The following CADPS2 variants were observed in gnomAD, a reference collection of about 807,000 sequenced individuals.
CADPS2 encodes calcium dependent secretion activator 2.
In CADPS2, 93 loss-of-function variants were observed where a neutral mutation model predicts 172.5. The ratio of observed to expected loss-of-function variants is 0.54; its 90% confidence interval spans 0.46 to 0.64. The LOEUF (loss-of-function observed/expected upper bound fraction) is 0.64, where lower values mean the gene tolerates loss of function less well. Ranked by LOEUF, CADPS2 falls within the 30% of genes least tolerant of loss-of-function variation. The probability of loss-of-function intolerance (pLI) is 0.00; values close to 1 mark genes in which losing one functional copy is unlikely to be tolerated. For missense variants in CADPS2, 1,420 were observed against 1,565.9 expected (o/e 0.91, Z 1.57); for synonymous variants, 546 against 555.2 (o/e 0.98, Z 0.23).
intron 1 of CADPS2, among the ~76,000 whole-genome samples, chr7:122,819,139 G>C (rs1396890705): frequency 2.0e-5 from 3 of 152,208 alleles, no homozygotes; most frequent in African/African-American, 4.8e-5. Flanking sequence ...CCAAACGCCT[G>C]AACTGCAGCA....
chr7:122,485,279 T>C (rs114715633), intron 11 of CADPS2, among the ~76,000 whole-genome samples: 123 of 152,344 alleles, frequency 8.1e-4, no homozygotes, highest in African/African-American at 2.6e-3. Context: ...AAAGCCAAGA[T>C]AGGCTGAAAG....
intron 1 of CADPS2, among the ~76,000 whole-genome samples, chr7:122,754,567 C>T (rs1264620212): frequency 6.6e-6 from 1 of 152,184 alleles, no homozygotes; most frequent in Non-Finnish European, 1.5e-5. Context: ...ACGTCCGCCT[C>T]CCAGGTTCAG....
At chr7:122,748,484 TG>T (rs1397584335) in intron 1 of CADPS2, among the ~76,000 whole-genome samples, 1 of 152,150 alleles carries the variant, frequency 6.6e-6, no homozygotes, top group Admixed American at 6.6e-5. Context: ...AGCAGACAAC[TG>T]TGAGCCAGTG....
At chr7:122,861,523 A>G (rs1416274091) in intron 1 of CADPS2, among the ~76,000 whole-genome samples, 1 of 152,200 alleles carries the variant, frequency 6.6e-6, no homozygotes, top group African/African-American at 2.4e-5. Flanking sequence ...TGCACAGTTT[A>G]TAATTTCTCT....
At chr7:122,729,486 C>T (rs541563686) in intron 2 of CADPS2, among the ~76,000 whole-genome samples, 2 of 151,888 alleles carry the variant, frequency 1.3e-5, no homozygotes, top group Admixed American at 6.6e-5. Flanking sequence ...TTCCCACCAA[C>T]AGTATATAGG....
At position 122,886,180 on chromosome 7, in the gene CADPS2, G is replaced by A; in HGVS notation, c.158C>T (p.Ala53Val). ...DAPGRAGGGGAARSVSPSPSV... is the reference protein window; with the variant it reads ...DAPGRAGGGGVARSVSPSPSV... ...GGGGCTCGGGCTCACAGATCTGGCC[G>A]CGCCGCCGCCGCCCGCGCGCCCCGG... Residue 53 changes from alanine (A) to valine (V), a missense_variant, in exon 1 of 30, where the codon GCG (alanine) becomes GTG (valine). By Grantham distance (64) the Ala-to-Val change is moderately conservative (BLOSUM62 0). Coordinates refer to ENST00000449022, the MANE Select transcript of CADPS2 (RefSeq NM_017954.11). 1 of 1,477,952 alleles carries A rather than the reference G, an allele frequency of 6.8e-7. No individual in the cohort carries two copies. Among genetic ancestry groups the A allele is most frequent in the South Asian group, 1.4e-5 (1 of 73,638 alleles). 91.6% of individuals were successfully genotyped at this position (1,477,952 alleles called of 1,614,324 possible). A position where few individuals can be genotyped will look rare whatever the true frequency, so the allele number is the denominator to read the frequency against.
intron 18 of CADPS2, among the ~76,000 whole-genome samples, chr7:122,415,029 T>A (rs527929387): frequency 6.6e-6 from 1 of 152,174 alleles, no homozygotes; most frequent in Non-Finnish European, 1.5e-5. Flanking sequence ...AACAAACTCA[T>A]GGCTATTAGA....
chr7:122,862,594 G>A lies in CADPS2; in HGVS notation c.339+23405C>T, dbSNP rs1817230683. 1.3e-5 allele frequency among the ~76,000 whole-genome samples: 2 copies of A among 151,984 alleles called. 1 individual carries two copies. Among genetic ancestry groups the A allele is most frequent in the South Asian group, 4.1e-4 (2 of 4,824 alleles). On this transcript the variant is annotated intron_variant, in intron 1 of 29. Transcript: ENST00000449022. ...AGAGGAGTAAGGGCTTCCCTCCATA[G>A]TCAATCCCTGAATGACTCACTCATC...
intron 3 of CADPS2, among the ~76,000 whole-genome samples, chr7:122,630,082 A>C (rs1409934212): frequency 6.6e-6 from 1 of 152,170 alleles, no homozygotes; most frequent in Non-Finnish European, 1.5e-5. Context: ...AAAAATGTTA[A>C]AGTGAGGATG....
chr7:122,706,298 CTTATATATTCAAGGAATAT>C, intron 2 of CADPS2, among the ~76,000 whole-genome samples: 1 of 10,204 alleles, frequency 9.8e-5, no homozygotes, highest in African/African-American at 2.3e-4. Flanking sequence ...TATATATATG[CTTATATATTCAAGGAATAT>C]ATATATATGC....
intron 2 of CADPS2, among the ~76,000 whole-genome samples, chr7:122,688,397 T>G (rs1214141479): frequency 1.3e-5 from 2 of 152,210 alleles, no homozygotes; most frequent in Non-Finnish European, 2.9e-5. Flanking sequence ...GCCTTCTAAG[T>G]TTCATGTGTT....
At chr7:122,783,137 A>T (rs1793176475) in intron 1 of CADPS2, among the ~76,000 whole-genome samples, 1 of 150,260 alleles carries the variant, frequency 6.7e-6, no homozygotes, top group East Asian at 2.0e-4. Flanking sequence ...AATGGCGTGA[A>T]CCTGGGAGGG....
At chr7:122,740,021 AAAT>A (rs1468217428) in intron 1 of CADPS2, among the ~76,000 whole-genome samples, 1 of 152,208 alleles carries the variant, frequency 6.6e-6, no homozygotes, top group African/African-American at 2.4e-5. Flanking sequence ...ATGCAAATTA[AAAT>A]AATGAGATTT....
chr7:122,776,643 T>TA (rs1463466488), intron 1 of CADPS2, among the ~76,000 whole-genome samples: 1 of 151,926 alleles, frequency 6.6e-6, no homozygotes, highest in East Asian at 1.9e-4. Flanking sequence ...CCTAGAGACT[T>TA]AGAGTGCTCA....
At chr7:122,807,818 T>A (rs1799119470) in intron 1 of CADPS2, among the ~76,000 whole-genome samples, 1 of 152,136 alleles carries the variant, frequency 6.6e-6, no homozygotes, top group Admixed American at 6.5e-5. Context: ...TTCCTTTTCT[T>A]AGAAGGATAC....
intron 25 of CADPS2, chr7:122,366,722 C>CAT (rs764344450): frequency 7.0e-6 from 1 of 143,750 alleles, no homozygotes; most frequent in Non-Finnish European, 1.6e-5. Flanking sequence ...TATATACACA[C>CAT]ATATATGTAT....
chr7:122,333,912 A>G (rs1013545506), intron 28 of CADPS2, among the ~76,000 whole-genome samples: 4 of 150,890 alleles, frequency 2.7e-5, no homozygotes, highest in Non-Finnish European at 5.9e-5. Context: ...TATCATATCT[A>G]TAATAGCAGA....
intron 16 of CADPS2, chr7:122,440,167 G>A (rs1188708099): frequency 6.6e-6 from 1 of 152,176 alleles, no homozygotes; most frequent in African/African-American, 2.4e-5. Flanking sequence ...AGCAGGAGAT[G>A]TGATCAGTGA....
chr7:122,728,414 C>T (rs993441161), intron 2 of CADPS2, among the ~76,000 whole-genome samples: 2 of 151,748 alleles, frequency 1.3e-5, no homozygotes, highest in African/African-American at 4.8e-5. Flanking sequence ...TGGAATGATA[C>T]CAATCTGATA....
Sources: allele counts gnomAD v4.1 joint callset (sites outside exome capture counted in the v4.1 genomes callset), GRCh38; gene constraint gnomAD v4.1.1; transcripts MANE v1.5; gene names NCBI Gene and HGNC (gene_info 2026-07-23, HGNC 2026-07-21).